Variants in GNG2 observed in about 807,000 individuals in gnomAD.
GNG2 encodes the protein G protein subunit gamma 2, also known as guanine nucleotide-binding protein G(I)/G(S)/G(O) subunit gamma-2.
A neutral mutation model predicts 5.5 loss-of-function variants in GNG2; 5 were observed. The observed-to-expected ratio is 0.91, with a 90% confidence interval of 0.48 to 1.92. The LOEUF is 1.92. GNG2 is among the 30% of genes most tolerant of loss of function. GNG2 has a pLI of 0.01. For synonymous variants in GNG2, 28 were observed against 32.0 expected, an observed-to-expected ratio of 0.88 and a Z score of 0.42; for missense variants, 55 against 88.4, an observed-to-expected ratio of 0.62 and a Z score of 1.52.
At chr14:51,878,857 A>G (rs908602672) in intron 2 of GNG2, among the ~76,000 whole-genome samples, 14 of 152,220 alleles carry the variant, frequency 9.2e-5, no homozygotes, top group African/African-American at 3.4e-4. Context: ...AAATGTTACT[A>G]ATAATGACTC....
chr14:51,893,685 T>C (rs150942856), intron 2 of GNG2, among the ~76,000 whole-genome samples: 149 of 152,206 alleles, frequency 9.8e-4, no homozygotes, highest in Middle Eastern at 3.4e-3. Context: ...TCCAAGGTAA[T>C]ATAAATATCC....
chr14:51,895,833 G>A (rs1379725968), intron 2 of GNG2, among the ~76,000 whole-genome samples: 2 of 152,182 alleles, frequency 1.3e-5, no homozygotes, highest in Non-Finnish European at 2.9e-5. Context: ...TCTTGCGATA[G>A]TGAATGGGTC....
intron 2 of GNG2, among the ~76,000 whole-genome samples, chr14:51,927,791 T>G (rs960729781): frequency 1.3e-5 from 2 of 152,226 alleles, no homozygotes; most frequent in African/African-American, 2.4e-5. Flanking sequence ...GCTACCTAGA[T>G]GTTTAGAAAC....
intron 2 of GNG2, among the ~76,000 whole-genome samples, chr14:51,947,899 A>G (rs1888733931): frequency 6.6e-6 from 1 of 152,208 alleles, no homozygotes; most frequent in Non-Finnish European, 1.5e-5. Context: ...TAATGGTGGC[A>G]TCAATAAGAT....
At chr14:51,961,826 G>A (rs1889631215) in intron 3 of GNG2, among the ~76,000 whole-genome samples, 1 of 152,164 alleles carries the variant, frequency 6.6e-6, no homozygotes, top group Admixed American at 6.5e-5. Context: ...ATTTGAGAGG[G>A]AAGAATGCTA....
rs896007143 is a variant in GNG2 at position 51,969,228 on chromosome 14, G to A, written c.*2541G>A. 6 of 152,108 alleles carry A rather than the reference G, an allele frequency of 3.9e-5. No homozygotes were observed. Among genetic ancestry groups the A allele is most frequent in the East Asian group, 1.9e-4 (1 of 5,204 alleles). The allele number at this position is 152,108 out of a possible 1,614,324, so 9.4% of individuals were successfully genotyped here. On this transcript the variant is annotated 3_prime_UTR_variant, in exon 4 of 4. Transcript: ENST00000556766. ...TATTCGATAGAAATGAAAATCTGCC[G>A]TGGAATTAACTAATAAGTAGTAACA...
rs139690526 is a variant in GNG2, at chr14:51,922,781, C to T, written c.-29-27869C>T. Among the ~76,000 whole-genome samples, 592 of 152,194 alleles carry T rather than the reference C, an allele frequency of 3.9e-3. 5 individuals carry two copies. Among genetic ancestry groups the T allele is most frequent in the African/African-American group, 0.014 (567 of 41,512 alleles). On this transcript the variant is annotated intron_variant, in intron 2 of 3. Coordinates refer to ENST00000556766, the MANE Select transcript of GNG2 (RefSeq NM_053064.5). ...ATAACGGACTCGTGCTTATAAAAGG[C>T]CCTTTCATTCTGTTTGCTGGTATGT...
In GNG2 at chr14:51,841,413, A is replaced by G. The variant is rs573678792; in HGVS notation, c.64+13606A>G. 1,685 of 567,472 alleles carry G rather than the reference A, an allele frequency of 3.0e-3. 4 individuals are homozygous for G. Among genetic ancestry groups the G allele is most frequent in the Non-Finnish European group, 4.1e-3 (1,293 of 314,116 alleles). 35.2% of individuals were successfully genotyped at this position (567,472 alleles called of 1,614,324 possible). On this transcript the variant is annotated intron_variant, in intron 2 of 3. Transcript: ENST00000553432. ...GAGGCTGCACCAAACAAACAAACAA[A>G]CAAAAAGCCTGGCACTGTTTGTTCT...
intron 1 of GNG2, among the ~76,000 whole-genome samples, chr14:51,871,702 T>G (rs1363526392): frequency 3.3e-5 from 5 of 152,224 alleles, no homozygotes; most frequent in African/African-American, 1.2e-4. Flanking sequence ...TCCAAGGGAT[T>G]TGCACCAAAT....
At chr14:51,841,981 C>G (rs373224618) in intron 2 of GNG2, among the ~76,000 whole-genome samples, 2 of 152,220 alleles carry the variant, frequency 1.3e-5, no homozygotes, top group East Asian at 1.9e-4. Flanking sequence ...AGGCTGGTCT[C>G]TGAACATTCT....
chr14:51,858,402 A>G (rs1246587506), upstream of GNG2, among the ~76,000 whole-genome samples: 1 of 152,250 alleles, frequency 6.6e-6, no homozygotes, highest in African/African-American at 2.4e-5. Flanking sequence ...AGGGCCAGAG[A>G]TGGAAGAACT....
At chr14:51,912,920 A>C (rs1317408221) in intron 2 of GNG2, 3 of 152,216 alleles carry the variant, frequency 2.0e-5, no homozygotes, top group African/African-American at 7.2e-5. Flanking sequence ...AAAAATGAAA[A>C]CAAATGTTTA....
intron 2 of GNG2, among the ~76,000 whole-genome samples, chr14:51,926,443 G>C (rs959934359): frequency 6.6e-6 from 1 of 152,184 alleles, no homozygotes; most frequent in Admixed American, 6.5e-5. Flanking sequence ...AATGAGTTTT[G>C]GACTAATTTT....
rs893009755 is a variant in GNG2 at position 51,837,362 on chromosome 14, C to T, written c.64+9555C>T. 4.6e-5 allele frequency among the ~76,000 whole-genome samples: 7 copies of T among 152,038 alleles called. No individual in the cohort carries two copies. In the East Asian group the frequency reaches 9.7e-4, roughly 21 times the overall value. The stretch of plus-strand genomic sequence containing the variant: ...CCAGATACAAAATTAAAATATAACT[C>T]GGCCAGGGGTGGTGGCTCATGCCTG... On this transcript the variant is annotated intron_variant, in intron 2 of 3. Transcript: ENST00000553432.
At chr14:51,958,368 C>T (rs971203477) in intron 3 of GNG2, among the ~76,000 whole-genome samples, 1 of 59,122 alleles carries the variant, frequency 1.7e-5, no homozygotes, top group Non-Finnish European at 4.1e-5. Flanking sequence ...GTGTTGCTGC[C>T]CCCCAGGACC....
chr14:51,892,784 G>T (rs1035531153), intron 2 of GNG2, among the ~76,000 whole-genome samples: 1 of 152,102 alleles, frequency 6.6e-6, no homozygotes, highest in Non-Finnish European at 1.5e-5. Context: ...GCTCATAAAT[G>T]TGTAATAAAC....
chr14:51,870,611 T>C (rs997677154), intron 1 of GNG2, among the ~76,000 whole-genome samples: 2 of 152,236 alleles, frequency 1.3e-5, no homozygotes, highest in African/African-American at 2.4e-5. Flanking sequence ...TTGTTTTCTC[T>C]AGAGAGGTAG....
intron 2 of GNG2, among the ~76,000 whole-genome samples, chr14:51,927,123 A>G (rs1887377183): frequency 6.6e-6 from 1 of 152,274 alleles, no homozygotes; most frequent in Admixed American, 6.5e-5. Context: ...TTTGTAAGTC[A>G]AGATCTCATG....
At chr14:51,833,046 T>C (rs1237706377) in intron 2 of GNG2, among the ~76,000 whole-genome samples, 3 of 152,178 alleles carry the variant, frequency 2.0e-5, no homozygotes, top group African/African-American at 7.2e-5. Flanking sequence ...ACCTTACAAC[T>C]CATTTCTCTA....
Sources: gnomAD v4.1 joint callset for allele counts (sites outside exome capture counted in the v4.1 genomes callset) on GRCh38, gnomAD v4.1.1 for gene constraint, MANE v1.5 for transcripts, NCBI Gene and HGNC (gene_info 2026-07-23, HGNC 2026-07-21) for gene names.